Variants in GSAP observed in about 807,000 individuals in gnomAD.
GSAP encodes gamma-secretase activating protein, also known as gamma-secretase-activating protein.
Under a neutral mutation model 131.7 loss-of-function variants are expected in GSAP, and 118 were observed. The observed-to-expected ratio is 0.90, with a 90% CI of 0.77 to 1.04. GSAP has a LOEUF of 1.04. GSAP is among the 50% of genes least tolerant of loss of function. The pLI, the probability that GSAP is intolerant of heterozygous loss-of-function variation, is 0.00. For missense variants in GSAP, 1,019 were observed against 1,013.2 expected, an observed-to-expected ratio of 1.01 and a Z score of -0.08; for synonymous variants, 381 against 363.4, an observed-to-expected ratio of 1.05 and a Z score of -0.55.
At chr7:77,341,473 C>A (rs916627862) in intron 19 of GSAP, among the ~76,000 whole-genome samples, 5 of 152,228 alleles carry the variant, frequency 3.3e-5, no homozygotes, top group African/African-American at 1.2e-4. Flanking sequence ...CCCTTCCCGA[C>A]CTGCCCAACA....
chr7:77,352,206 T>C lies in GSAP; in HGVS notation c.1491+738A>G, dbSNP rs546931597. 1.1e-4 allele frequency among the ~76,000 whole-genome samples: 17 copies of C among 152,378 alleles called. No individual in the cohort carries two copies. In the South Asian group the frequency reaches 1.4e-3, roughly 13 times the overall value. On this transcript the variant is annotated intron_variant, in intron 18 of 30. Transcript: ENST00000257626. Reference sequence around the variant, plus strand: ...ATTTACTCTAGTACATATTTTCCTATGACTGTGTTATTTAAATTCAATTTA... The same window carrying C: ...ATTTACTCTAGTACATATTTTCCTACGACTGTGTTATTTAAATTCAATTTA...
At chr7:77,389,259 TA>T (rs1020674501) in intron 5 of GSAP, among the ~76,000 whole-genome samples, 18 of 151,894 alleles carry the variant, frequency 1.2e-4, no homozygotes, top group Non-Finnish European at 1.3e-4. Flanking sequence ...TATATATATA[TA>T]TTTTTTTGAC....
intron 17 of GSAP, among the ~76,000 whole-genome samples, chr7:77,353,280 A>C (rs983645100): frequency 2.0e-5 from 3 of 152,150 alleles, no homozygotes; most frequent in African/African-American, 7.2e-5. Context: ...CAGCCAACAC[A>C]AAACTGGGCT....
chr7:77,342,401 C>T (rs1054643985), intron 19 of GSAP, among the ~76,000 whole-genome samples: 2 of 152,168 alleles, frequency 1.3e-5, no homozygotes, highest in Admixed American at 1.3e-4. Flanking sequence ...ACTTGGACAA[C>T]ATTCTTTTAT....
At chr7:77,404,199 G>A (rs1274653259) in intron 3 of GSAP, among the ~76,000 whole-genome samples, 1 of 152,188 alleles carries the variant, frequency 6.6e-6, no homozygotes, top group African/African-American at 2.4e-5. Context: ...CTTAAGAACA[G>A]CTTCACCTAG....
At chr7:77,365,118 T>C (rs376646777) in intron 12 of GSAP, among the ~76,000 whole-genome samples, 7 of 151,972 alleles carry the variant, frequency 4.6e-5, no homozygotes, top group South Asian at 2.1e-4. Context: ...GCCTGGCTAA[T>C]TATTTTATTT....
At chr7:77,413,375 G>A (rs945617394) in intron 1 of GSAP, among the ~76,000 whole-genome samples, 5 of 152,186 alleles carry the variant, frequency 3.3e-5, no homozygotes, top group Admixed American at 6.5e-5. Context: ...CAGCCCTCTT[G>A]GCAGGCAATC....
intron 1 of GSAP, among the ~76,000 whole-genome samples, chr7:77,414,255 T>C (rs1803864946): frequency 6.6e-6 from 1 of 152,260 alleles, no homozygotes; most frequent in Admixed American, 6.5e-5. Context: ...AATTTACATT[T>C]GAAAAGCCAG....
chr7:77,314,571 A>G, intron 26 of GSAP, 82 bp from the exon 27 acceptor site: 2 of 1,524,276 alleles, frequency 1.3e-6, no homozygotes, highest in Non-Finnish European at 1.8e-6. Flanking sequence ...TCATGTTAAT[A>G]AAGCACTTAG....
chr7:77,360,773 T>C (rs372123074), intron 14 of GSAP, 51 bp downstream of exon 14: 67 of 942,178 alleles, frequency 7.1e-5, no homozygotes, highest in Non-Finnish European at 1.0e-4. Context: ...AGGTATACCA[T>C]GCCTAGGAAC....
intron 19 of GSAP, among the ~76,000 whole-genome samples, chr7:77,343,849 C>T (rs1331496615): frequency 6.6e-6 from 1 of 152,180 alleles, no homozygotes; most frequent in Admixed American, 6.5e-5. Flanking sequence ...TAGCCCATCT[C>T]TTAGAACCTC....
intron 2 of GSAP, among the ~76,000 whole-genome samples, chr7:77,405,319 A>G (rs1325563211): frequency 6.6e-6 from 1 of 151,352 alleles, no homozygotes; most frequent in Non-Finnish European, 1.5e-5. Context: ...AATAATAATA[A>G]TGCTTCGAAA....
At chr7:77,345,256 C>G (rs1355316526) in intron 19 of GSAP, among the ~76,000 whole-genome samples, 1 of 152,162 alleles carries the variant, frequency 6.6e-6, no homozygotes, top group Non-Finnish European at 1.5e-5. Flanking sequence ...CCCACAATAT[C>G]ACCCCTTACC....
chr7:77,353,634 T>A lies in GSAP; in HGVS notation c.1346A>T (p.Gln449Leu). 2 of 1,605,120 alleles carry A rather than the reference T, an allele frequency of 1.2e-6. No individual in the cohort carries two copies. The highest frequency in any genetic ancestry group is 1.7e-6 in the Non-Finnish European group (2 of 1,172,862). Reference sequence around the variant, plus strand: ...GGCAGAGACATTCTCAGAAATCCACTGAATAATCTTTAAAAAGTCAGACAG... The same window carrying A: ...GGCAGAGACATTCTCAGAAATCCACAGAATAATCTTTAAAAAGTCAGACAG... ...GAQFLEAQII[Q>L]WISENVSACH... is the part of the protein sequence containing the mutation. The change falls in exon 17 of 31, where the codon CAG (glutamine) becomes CTG (leucine). Residue 449 changes from glutamine to leucine, a missense_variant. Transcript: ENST00000257626.
chr7:77,337,402 T>TG (rs1389804717), intron 19 of GSAP, among the ~76,000 whole-genome samples: 1 of 152,128 alleles, frequency 6.6e-6, no homozygotes, highest in Non-Finnish European at 1.5e-5. Flanking sequence ...CTCGAACTCC[T>TG]GGCCCCAAGT....
At chr7:77,346,412 C>T (rs1372235220) in intron 19 of GSAP, among the ~76,000 whole-genome samples, 1 of 150,918 alleles carries the variant, frequency 6.6e-6, no homozygotes, top group Non-Finnish European at 1.5e-5. Context: ...TAAGGCACTG[C>T]AACCCAGCAG....
intron 14 of GSAP, among the ~76,000 whole-genome samples, chr7:77,360,057 T>C (rs1194231199): frequency 2.0e-5 from 3 of 152,178 alleles, no homozygotes; most frequent in Admixed American, 2.0e-4. Flanking sequence ...TTGCTCAGTT[T>C]CCTCACATTG....
rs1584563607 is a variant in GSAP at position 77,373,896 on chromosome 7, CAG to C, written c.871+172_871+173del. On this transcript the variant is annotated intron_variant, in intron 12 of 30. Transcript: ENST00000257626. ...AAGAATAACTGTGGCTTCCTCAATA[CAG>C]ACAGTGTATATTTAAAATTAATGAA... is the stretch of plus-strand genomic sequence containing the variant. 2.0e-5 allele frequency among the ~76,000 whole-genome samples: 3 copies of C among 152,278 alleles called. No homozygotes were observed. In the East Asian group the frequency reaches 5.8e-4, roughly 29 times the overall value.
chr7:77,360,269 GC>G (rs1794337741), intron 14 of GSAP, among the ~76,000 whole-genome samples: 1 of 152,202 alleles, frequency 6.6e-6, no homozygotes, highest in African/African-American at 2.4e-5. Context: ...GCATGGAAAA[GC>G]AGCTTTCAGT....
Sources: allele counts gnomAD v4.1 joint callset (sites outside exome capture counted in the v4.1 genomes callset), GRCh38; gene constraint gnomAD v4.1.1; transcripts MANE v1.5; gene names NCBI Gene and HGNC (gene_info 2026-07-23, HGNC 2026-07-21).